Variants in ZNF595 observed in about 807,000 individuals in gnomAD.
ZNF595 encodes the protein zinc finger protein 595.
A neutral mutation model predicts 19.4 loss-of-function variants in ZNF595; 9 were observed. The ratio of observed to expected loss-of-function variants is 0.46; its 90% CI spans 0.28 to 0.81. The LOEUF (loss-of-function observed/expected upper bound fraction) is 0.81. ZNF595 is among the 30% of genes least tolerant of loss of function. The pLI, the probability that ZNF595 is intolerant of heterozygous loss-of-function variation, is 0.11. For missense variants in ZNF595, 729 were observed against 736.0 expected (o/e 0.99, Z 0.11); for synonymous variants, 255 against 255.9 (o/e 1.00, Z 0.03).
At chr4:60,413 T>C (rs1581321433) in intron 3 of ZNF595, 1 of 474,602 alleles carries the variant, frequency 2.1e-6, no homozygotes, top group Non-Finnish European at 4.2e-6. Flanking sequence ...ATGGGCTGCA[T>C]AATCTGACTG....
chr4:80,308 C>T (rs1266584538), intron 3 of ZNF595, among the ~76,000 whole-genome samples: 3 of 152,208 alleles, frequency 2.0e-5, no homozygotes, highest in Non-Finnish European at 2.9e-5. Context: ...CGTGCGCCAC[C>T]GCGCCCTGCT....
chr4:72,062 C>T lies in ZNF595; in HGVS notation c.226+11909C>T, dbSNP rs547857245. On this transcript the variant is annotated intron_variant, in intron 3 of 3. Transcript: ENST00000610261. ...GCCACTTGAGTCAGACATACCATTCCGGCCAGTACTGCCACTCCCTGGGTT... is the reference window on the plus strand; with the variant it reads ...GCCACTTGAGTCAGACATACCATTCTGGCCAGTACTGCCACTCCCTGGGTT... 1.1e-4 allele frequency among the ~76,000 whole-genome samples: 16 copies of T among 152,210 alleles called. No individual in the cohort carries two copies. The South Asian group carries it at 2.7e-3, about 26-fold the overall frequency.
rs1560096653 is a variant in ZNF595 at position 87,443 on chromosome 4, C to A, written c.1939C>A (p.His647Asn). 21 of 1,574,584 alleles carry A rather than the reference C, an allele frequency of 1.3e-5. No homozygotes were observed. In the Admixed American group the frequency reaches 3.1e-4, roughly 23 times the overall value. ...VHKRIHTGKE[H>N]S ...CAAGCGAATTCATACTGGCAAGGAA[C>A]ATAGTTGAATGACATTTCTAGTAAT... is the stretch of plus-strand genomic sequence containing the variant. The change falls in exon 4 of 4, where the codon CAT becomes AAT. Residue 647 changes from histidine to asparagine, a missense_variant. This residue lies in a region of ZNF595 where 729 missense variants were observed against 675.3 expected (regional missense o/e 1.08). Transcript: ENST00000610261.
chr4:75,872 C>G (rs1713638416), intron 3 of ZNF595, among the ~76,000 whole-genome samples: 1 of 150,130 alleles, frequency 6.7e-6, no homozygotes, highest in Non-Finnish European at 1.5e-5. Flanking sequence ...GTTATAAAAT[C>G]TAGTTTAAGA....
intron 1 of ZNF595, among the ~76,000 whole-genome samples, chr4:55,358 C>T (rs10440586): frequency 0.11 from 12,007 of 111,004 alleles, 1 homozygote; most frequent in East Asian, 0.47. Flanking sequence ...GGAGCAAACA[C>T]AAATTAGAAG....
chr4:75,989 C>T (rs1240052950), intron 3 of ZNF595, among the ~76,000 whole-genome samples: 5 of 152,108 alleles, frequency 3.3e-5, no homozygotes, highest in Non-Finnish European at 7.4e-5. Flanking sequence ...TCCCCAGGCT[C>T]AAGCAATTCT....
chr4:85,273 A>C (rs1323209736), intron 3 of ZNF595, among the ~76,000 whole-genome samples: 1 of 152,192 alleles, frequency 6.6e-6, no homozygotes, highest in East Asian at 1.9e-4. Flanking sequence ...TGTTCTTCCA[A>C]AGTATAGCAC....
At chr4:75,002 A>G (rs572705974) in intron 3 of ZNF595, among the ~76,000 whole-genome samples, 1 of 152,204 alleles carries the variant, frequency 6.6e-6, no homozygotes, top group South Asian at 2.1e-4. Flanking sequence ...TTTTATTACC[A>G]TATAGTGAAG....
intron 1 of ZNF595, among the ~76,000 whole-genome samples, chr4:55,708 AATG>A (rs1712611386): frequency 6.6e-6 from 1 of 150,960 alleles, no homozygotes; most frequent in Non-Finnish European, 1.5e-5. Flanking sequence ...TTTTTTCTTT[AATG>A]ATTAGAAAAA....
At chr4:82,744 T>C (rs1310173778) in intron 3 of ZNF595, among the ~76,000 whole-genome samples, 4 of 152,142 alleles carry the variant, frequency 2.6e-5, no homozygotes, top group African/African-American at 4.8e-5. Context: ...AAGTAATCTG[T>C]AAAGTTCCTA....
At chr4:85,660 A>C in intron 3 of ZNF595, 71 bp from the exon 4 acceptor site, 1 of 1,464,400 alleles carries the variant, frequency 6.8e-7, no homozygotes, top group Non-Finnish European at 9.1e-7. Flanking sequence ...TACATTTTCG[A>C]TATTACATTC....
Position 88,127 on chromosome 4 carries a change from G to A in ZNF595, c.*676G>A, listed in dbSNP as rs575045598. On this transcript the variant is annotated 3_prime_UTR_variant, in exon 4 of 4. Coordinates refer to ENST00000610261, the MANE Select transcript of ZNF595 (RefSeq NM_182524.4). The stretch of plus-strand genomic sequence containing the variant: ...ATTCACACATTTCTAAGTCATGAAT[G>A]CTTTTAAAAAATGTTCCATATTTAT... 1 of 152,166 alleles carries A rather than the reference G, an allele frequency of 6.6e-6. No homozygotes were observed. Among genetic ancestry groups the A allele is most frequent in the Non-Finnish European group, 1.5e-5 (1 of 68,008 alleles). 9.4% of individuals were successfully genotyped at this position (152,166 alleles called of 1,614,324 possible). A position where few individuals can be genotyped will look rare whatever the true frequency, so the allele number is the denominator to read the frequency against.
intron 3 of ZNF595, among the ~76,000 whole-genome samples, chr4:73,653 C>T (rs934835790): frequency 2.6e-5 from 4 of 152,150 alleles, no homozygotes; most frequent in South Asian, 2.1e-4. Flanking sequence ...CCTCTTTTCC[C>T]GCACTTTCTT....
At position 87,551 on chromosome 4, in the gene ZNF595, A is replaced by G. The variant is rs990673459; in HGVS notation, c.*100A>G. The G allele has an allele frequency of 2.5e-6, 3 of 1,183,588 alleles. No homozygotes were observed. The highest frequency in any genetic ancestry group is 3.1e-5 in the African/African-American group (2 of 64,482). The allele number at this position is 1,183,588 out of a possible 1,614,324, so 73.3% of individuals were successfully genotyped here. On this transcript the variant is annotated 3_prime_UTR_variant, in exon 4 of 4. Coordinates refer to ENST00000610261, the MANE Select transcript of ZNF595 (RefSeq NM_182524.4). ...ACTTGTATTATTTTTCTTATTTTAAATTTTTTAAAATTTCTGTAGGTACAT... is the reference window on the plus strand; with the variant it reads ...ACTTGTATTATTTTTCTTATTTTAAGTTTTTTAAAATTTCTGTAGGTACAT...
chr4:87,303 C>A lies in ZNF595; in HGVS notation c.1799C>A (p.Ala600Asp), dbSNP rs1214016772. ...KPFTCEECGK[A>D]FNWSSSLTKH... ...TTCACATGTGAAGAATGTGGCAAAGCCTTCAATTGGTCCTCATCCCTTACT... is the reference window on the plus strand; with the variant it reads ...TTCACATGTGAAGAATGTGGCAAAGACTTCAATTGGTCCTCATCCCTTACT... Residue 600 changes from alanine (A) to aspartate (D), a missense_variant, in exon 4 of 4, where the codon GCC becomes GAC. Ala to Asp is a moderately radical substitution (Grantham distance 126, BLOSUM62 -2). Coordinates refer to ENST00000610261, the MANE Select transcript of ZNF595 (RefSeq NM_182524.4). 6.2e-7 allele frequency: 1 copy of A among 1,613,620 alleles called. No homozygotes were observed. The highest frequency in any genetic ancestry group is 2.2e-5 in the East Asian group (1 of 44,858).
chr4:84,433 A>G (rs782254961), intron 3 of ZNF595, among the ~76,000 whole-genome samples: 5 of 152,154 alleles, frequency 3.3e-5, no homozygotes, highest in Non-Finnish European at 7.4e-5. Context: ...GTTATCTTGA[A>G]AGAGCTTTAC....
rs1320405940 is a variant in ZNF595 at position 86,734 on chromosome 4, C to T, written c.1230C>T (p.His410=). Residue 410 remains histidine, a synonymous_variant, in exon 4 of 4, where the codon CAC becomes CAT. Coordinates refer to ENST00000610261, the MANE Select transcript of ZNF595 (RefSeq NM_182524.4). ...ECGKAFYRSS[H]LAKHKRIHTG... ...GCAAAGCTTTTTATAGGTCCTCACA[C>T]CTTGCTAAACATAAGAGAATTCATA... 10 of 1,613,256 alleles carry T rather than the reference C, an allele frequency of 6.2e-6. No homozygotes were observed. The highest frequency in any genetic ancestry group is 1.3e-5 in the African/African-American group (1 of 74,846).
chr4:69,195 G>T (rs781812696), intron 3 of ZNF595, among the ~76,000 whole-genome samples: 5 of 152,144 alleles, frequency 3.3e-5, no homozygotes, highest in Non-Finnish European at 5.9e-5. Flanking sequence ...TGGCTAATGT[G>T]AACACTGCTG....
At chr4:81,620 G>A (rs566580273) in intron 3 of ZNF595, among the ~76,000 whole-genome samples, 10 of 152,204 alleles carry the variant, frequency 6.6e-5, no homozygotes, top group African/African-American at 2.2e-4. Context: ...TATTGACATT[G>A]TTACTCACTG....
Sources: allele counts gnomAD v4.1 joint callset (sites outside exome capture counted in the v4.1 genomes callset), GRCh38; gene constraint gnomAD v4.1.1; regional missense constraint gnomAD v4.1.1; transcripts MANE v1.5; gene names NCBI Gene and HGNC (gene_info 2026-07-23, HGNC 2026-07-21).